Variants in GPR155 observed in about 807,000 individuals in gnomAD.
The protein encoded by GPR155 is lysosomal cholesterol signaling protein.
Under a neutral mutation model 93.1 loss-of-function variants are expected in GPR155, and 65 were observed. The ratio of observed to expected loss-of-function variants is 0.70; its 90% confidence interval spans 0.57 to 0.86. GPR155 has a LOEUF of 0.86. Among genes scored for constraint, GPR155 ranks in the 40% least tolerant of loss-of-function variants. The pLI is 0.00. For synonymous variants in GPR155, 319 were observed against 360.1 expected (o/e 0.89, Z 1.29); for missense variants, 838 against 1,034.8 (o/e 0.81, Z 2.61).
intron 14 of GPR155, among the ~76,000 whole-genome samples, chr2:174,440,604 G>C (rs1012914420): frequency 6.6e-6 from 1 of 152,094 alleles, no homozygotes; most frequent in Admixed American, 6.5e-5. Context: ...TATGAACCTA[G>C]CAACTACATC....
rs541514738 is a variant in GPR155 at position 174,441,168 on chromosome 2, C to T, written c.2174+951G>A. 3.2e-4 allele frequency among the ~76,000 whole-genome samples: 48 copies of T among 151,864 alleles called. 1 individual carries two copies. The South Asian group carries it at 8.9e-3, about 28-fold the overall frequency. On this transcript the variant is annotated intron_variant, in intron 14 of 15. Transcript: ENST00000392552. ...TTTGTGTGGCATTTAGTGGTGTCTT[C>T]GCAGTTACTAAAGGTTTAAAAACAT...
chr2:174,454,891 A>G (rs1400554472), intron 10 of GPR155, among the ~76,000 whole-genome samples: 3 of 150,284 alleles, frequency 2.0e-5, no homozygotes, highest in Non-Finnish European at 3.0e-5. Flanking sequence ...AGGAAGGGAA[A>G]GGAAGGAAGG....
At chr2:174,473,405 A>C (rs773468561) in intron 2 of GPR155, 41 bp from the exon 3 acceptor site, 2 of 1,266,798 alleles carry the variant, frequency 1.6e-6, no homozygotes, top group Non-Finnish European at 2.2e-6. Context: ...ATGACCACAG[A>C]AATACAGATA....
At chr2:174,454,038 T>C (rs1216122200) in intron 10 of GPR155, among the ~76,000 whole-genome samples, 197 bp from the exon 11 acceptor site, 2 of 152,204 alleles carry the variant, frequency 1.3e-5, no homozygotes, top group Admixed American at 6.5e-5. Context: ...CTTAATCTCA[T>C]AGAAGCACTG....
intron 2 of GPR155, among the ~76,000 whole-genome samples, chr2:174,473,837 G>A (rs1688068195): frequency 6.6e-6 from 1 of 152,314 alleles, no homozygotes; most frequent in Admixed American, 6.5e-5. Flanking sequence ...AACTAAAAAG[G>A]AGCACGGATG....
chr2:174,452,440 A>G (rs1288298055), intron 11 of GPR155, among the ~76,000 whole-genome samples: 1 of 152,236 alleles, frequency 6.6e-6, no homozygotes, highest in African/African-American at 2.4e-5. Flanking sequence ...CATTTCTTAT[A>G]TAAAAACATA....
chr2:174,461,604 T>C lies in GPR155; in HGVS notation c.1453A>G (p.Ile485Val). The change falls in exon 8 of 16, where the codon ATA becomes GTA. Residue 485 changes from isoleucine to valine, a missense_variant. Physicochemically the swap from Ile to Val is conservative, Grantham distance 29. Coordinates refer to ENST00000392552, the MANE Select transcript of GPR155 (RefSeq NM_152529.7). ...CCAACTTACCCCCAGCCAGATATTA[T>C]GATTATTCCAACAGGAATTTGTACC... ...ERVQIPVGII[I>V]ISGWGIPALL... 1.2e-6 allele frequency: 2 copies of C among 1,609,606 alleles called. No homozygotes were observed. The highest frequency in any genetic ancestry group is 1.1e-5 in the South Asian group (1 of 90,964).
rs776926229 is a variant in GPR155, at chr2:174,453,874, C to G, written c.1772-33G>C. 2.2e-6 allele frequency: 3 copies of G among 1,385,314 alleles called. No homozygotes were observed. The South Asian group carries it at 3.5e-5, about 16-fold the overall frequency. 85.8% of individuals were successfully genotyped at this position (1,385,314 alleles called of 1,614,324 possible). On this transcript the variant is annotated intron_variant, in intron 10 of 15. Coordinates refer to ENST00000392552, the MANE Select transcript of GPR155 (RefSeq NM_152529.7). ...AATCAAATAGTATGTGAGAGTAGAG[C>G]CCAACCACAACAGAAATGGACAATT...
intron 1 of GPR155, among the ~76,000 whole-genome samples, 197 bp from the exon 2 acceptor site, chr2:174,482,184 T>C (rs1250789118): frequency 1.3e-5 from 2 of 151,666 alleles, no homozygotes; most frequent in Non-Finnish European, 2.9e-5. Context: ...AAGTGGGGGG[T>C]TGCTAACAAT....
chr2:174,477,097 C>T (rs938258786), intron 2 of GPR155, among the ~76,000 whole-genome samples: 6 of 152,260 alleles, frequency 3.9e-5, no homozygotes, highest in East Asian at 1.9e-4. Context: ...TTTTCTAATA[C>T]GCAGCTCTTT....
At chr2:174,469,404 G>A (rs145377764) in intron 4 of GPR155, among the ~76,000 whole-genome samples, 22 of 151,802 alleles carry the variant, frequency 1.4e-4, no homozygotes, top group Non-Finnish European at 2.8e-4. Flanking sequence ...CAAACTATGT[G>A]GCAAAAAAGA....
Position 174,477,561 on chromosome 2 carries a change from A to C in GPR155, c.460+3936T>G, listed in dbSNP as rs74733399. Among the ~76,000 whole-genome samples the C allele has an allele frequency of 2.4e-3, 365 of 152,318 alleles. 13 individuals carry two copies. In the East Asian group the frequency reaches 0.059, roughly 25 times the overall value. On this transcript the variant is annotated intron_variant, in intron 2 of 15. Transcript: ENST00000392552. ...AAATAAATACATGTTAAATTACTAG[A>C]ATAGGGTTCAACATGGGAATTTCAG... is the stretch of plus-strand genomic sequence containing the variant.
intron 11 of GPR155, among the ~76,000 whole-genome samples, chr2:174,448,532 T>G (rs1236848629): frequency 0.078 from 8,223 of 104,914 alleles, 649 homozygotes; most frequent in African/African-American, 0.27. Flanking sequence ...TGTTTTTTGT[T>G]TTTTTTTTTT....
chr2:174,481,443 TA>T, intron 2 of GPR155, 53 bp downstream of exon 2: 1 of 1,115,042 alleles, frequency 9.0e-7, no homozygotes, highest in South Asian at 1.6e-5. Context: ...AACAAATGCC[TA>T]AATAAATTAA....
intron 2 of GPR155, among the ~76,000 whole-genome samples, chr2:174,479,739 C>A (rs776980588): frequency 6.6e-6 from 1 of 152,134 alleles, no homozygotes; most frequent in African/African-American, 2.4e-5. Context: ...GGTCCTTATA[C>A]CATAAATACC....
At chr2:174,440,149 G>A (rs1338471099) in intron 14 of GPR155, 114 bp from the exon 15 acceptor site, 2 of 748,494 alleles carry the variant, frequency 2.7e-6, no homozygotes, top group African/African-American at 3.6e-5. Flanking sequence ...CACCAAAGCT[G>A]TCATCTACAA....
chr2:174,449,582 T>G (rs1299518847), intron 11 of GPR155, among the ~76,000 whole-genome samples: 1 of 152,236 alleles, frequency 6.6e-6, no homozygotes, highest in African/African-American at 2.4e-5. Context: ...CAGTGGCTCA[T>G]GCCTGTAGTC....
chr2:174,465,804 A>G lies in GPR155; in HGVS notation c.1365T>C (p.Tyr455=), dbSNP rs899401170. 18 of 1,581,992 alleles carry G rather than the reference A, an allele frequency of 1.1e-5. No individual in the cohort carries two copies. Among genetic ancestry groups the G allele is most frequent in the African/African-American group, 1.3e-5 (1 of 74,214 alleles). ...ACTCACCTGTCCACAGGTAGGTGCTATAGAGGGAGCTGTACAATAGAACAA... is the reference window on the plus strand; with the variant it reads ...ACTCACCTGTCCACAGGTAGGTGCTGTAGAGGGAGCTGTACAATAGAACAA... The part of the protein sequence containing the change: ...LVFVLLYSSL[Y]STYLWTGLLA... Residue 455 remains tyrosine (Y), a synonymous_variant, in exon 7 of 16, where the codon TAT becomes TAC. Coordinates refer to ENST00000392552, the MANE Select transcript of GPR155 (RefSeq NM_152529.7).
At chr2:174,468,872 T>G in intron 5 of GPR155, 40 bp downstream of exon 5, 1 of 1,554,256 alleles carries the variant, frequency 6.4e-7, no homozygotes, top group South Asian at 1.1e-5. Context: ...TCAAAACTCA[T>G]TCTGTGGTTT....
Sources: allele counts gnomAD v4.1 joint callset (sites outside exome capture counted in the v4.1 genomes callset), GRCh38; gene constraint gnomAD v4.1.1; transcripts MANE v1.5; gene names NCBI Gene and HGNC (gene_info 2026-07-23, HGNC 2026-07-21).